FAM81A: variants seen among roughly 807,000 people sequenced by gnomAD.
FAM81A encodes family with sequence similarity 81 member A.
Under a neutral mutation model 46.7 loss-of-function variants are expected in FAM81A, and 19 were observed. The ratio of observed to expected loss-of-function variants is 0.41; its 90% CI spans 0.28 to 0.60. The LOEUF is 0.60. Ranked by LOEUF, FAM81A falls within the 20% of genes least tolerant of loss-of-function variation. The pLI, the probability that FAM81A is intolerant of heterozygous loss-of-function variation, is 0.34. For synonymous variants in FAM81A, 183 were observed against 152.9 expected (o/e 1.20, Z -1.45); for missense variants, 377 against 453.5 (o/e 0.83, Z 1.53).
upstream of FAM81A, among the ~76,000 whole-genome samples, chr15:59,433,466 A>G (rs1467856902): frequency 6.6e-6 from 1 of 152,198 alleles, no homozygotes; most frequent in East Asian, 1.9e-4. Flanking sequence ...TGCTGGTTGT[A>G]CTTTAGGCAT....
intron 2 of FAM81A, among the ~76,000 whole-genome samples, chr15:59,403,571 A>G (rs1231858290): frequency 1.3e-5 from 2 of 152,184 alleles, no homozygotes; most frequent in African/African-American, 2.4e-5. Flanking sequence ...CTGTTATGGC[A>G]GCCGAAGCAG....
chr15:59,408,247 T>G, intron 2 of FAM81A: 1 of 152,290 alleles, frequency 6.6e-6, no homozygotes. Context: ...ACCAGGCTGA[T>G]AGCAGAAAAT....
intron 3 of FAM81A, among the ~76,000 whole-genome samples, chr15:59,469,196 G>A: frequency 6.6e-6 from 1 of 152,172 alleles, no homozygotes; most frequent in East Asian, 1.9e-4. Flanking sequence ...GTTGATTTGG[G>A]GTGGAGAGTT....
At chr15:59,475,304 G>A (rs1262972371) in intron 3 of FAM81A, among the ~76,000 whole-genome samples, 1 of 151,826 alleles carries the variant, frequency 6.6e-6, no homozygotes, top group African/African-American at 2.4e-5. Flanking sequence ...CACCACACCC[G>A]GCTGATTTTT....
chr15:59,489,122 G>A (rs1003061686), intron 3 of FAM81A, among the ~76,000 whole-genome samples: 41 of 152,058 alleles, frequency 2.7e-4, no homozygotes, highest in Middle Eastern at 3.4e-3. Context: ...AAAATTAGCC[G>A]GGCATAGTGG....
At chr15:59,477,000 A>T (rs1163703516) in intron 3 of FAM81A, among the ~76,000 whole-genome samples, 1 of 151,372 alleles carries the variant, frequency 6.6e-6, no homozygotes, top group African/African-American at 2.4e-5. Flanking sequence ...GGTGCCTGTA[A>T]CCCCAGCTAC....
chr15:59,444,397 T>C (rs1480622827), intron 1 of FAM81A: 1 of 152,188 alleles, frequency 6.6e-6, no homozygotes, highest in Non-Finnish European at 1.5e-5. Context: ...GAAAAAATGA[T>C]TCTTCCCTGA....
At chr15:59,471,270 G>A (rs996349639) in intron 3 of FAM81A, among the ~76,000 whole-genome samples, 34 of 152,054 alleles carry the variant, frequency 2.2e-4, no homozygotes, top group African/African-American at 7.7e-4. Context: ...AGTTTTGTCA[G>A]TTTTTGCTTC....
chr15:59,477,999 G>A (rs1415528226), intron 3 of FAM81A, among the ~76,000 whole-genome samples: 1 of 152,138 alleles, frequency 6.6e-6, no homozygotes, highest in Non-Finnish European at 1.5e-5. Flanking sequence ...ATACATGTCT[G>A]GGTTATCCAT....
At chr15:59,482,014 A>G (rs542031244) in intron 3 of FAM81A, among the ~76,000 whole-genome samples, 1 of 152,252 alleles carries the variant, frequency 6.6e-6, no homozygotes, top group East Asian at 1.9e-4. Context: ...AATTGAGCAG[A>G]AAGTATACTC....
At chr15:59,449,737 G>A (rs1253054440) in intron 1 of FAM81A, among the ~76,000 whole-genome samples, 17 of 119,560 alleles carry the variant, frequency 1.4e-4, no homozygotes, top group Admixed American at 3.6e-4. Context: ...AGCCGAGATC[G>A]CGCCACTGCA....
intron 7 of FAM81A, among the ~76,000 whole-genome samples, chr15:59,515,444 T>G (rs967540954): frequency 6.6e-6 from 1 of 152,026 alleles, no homozygotes; most frequent in African/African-American, 2.4e-5. Flanking sequence ...CTGACTCTGC[T>G]CTCTCCAGAT....
intron 2 of FAM81A, among the ~76,000 whole-genome samples, chr15:59,403,910 G>T (rs1410652536): frequency 7.0e-5 from 10 of 142,964 alleles, no homozygotes; most frequent in Non-Finnish European, 1.3e-4. Flanking sequence ...TTGAGACAGA[G>T]TCTCACTCTG....
At chr15:59,446,735 C>T (rs910562040) in intron 1 of FAM81A, 3 of 152,190 alleles carry the variant, frequency 2.0e-5, no homozygotes, top group Non-Finnish European at 4.4e-5. Flanking sequence ...TGGCATCACT[C>T]CAGAATCACT....
intron 4 of FAM81A, among the ~76,000 whole-genome samples, chr15:59,498,775 C>T (rs1396377130): frequency 1.3e-5 from 2 of 152,208 alleles, no homozygotes; most frequent in Admixed American, 1.3e-4. Context: ...CTGCCTCAGC[C>T]TCCCGAGTAG....
At chr15:59,409,298 G>A (rs1374541049) in intron 2 of FAM81A, among the ~76,000 whole-genome samples, 4 of 152,068 alleles carry the variant, frequency 2.6e-5, no homozygotes, top group Non-Finnish European at 5.9e-5. Context: ...GCCTTTCTCC[G>A]GGACAGTCAG....
At chr15:59,472,916 A>G (rs754376877) in intron 3 of FAM81A, among the ~76,000 whole-genome samples, 1 of 152,190 alleles carries the variant, frequency 6.6e-6, no homozygotes. Context: ...TGATCTTTTC[A>G]GTTTTATTTT....
At chr15:59,452,714 G>A (rs966908764) in intron 1 of FAM81A, among the ~76,000 whole-genome samples, 2 of 152,158 alleles carry the variant, frequency 1.3e-5, no homozygotes, top group Non-Finnish European at 2.9e-5. Context: ...TCATGATGTA[G>A]TGTCAATTCG....
chr15:59,434,156 G>A (rs190933800), upstream of FAM81A, among the ~76,000 whole-genome samples: 3 of 152,226 alleles, frequency 2.0e-5, no homozygotes, highest in East Asian at 3.9e-4. Flanking sequence ...TAACTGGCCC[G>A]ATGAAACATT....
Sources: gnomAD v4.1 joint callset for allele counts (sites outside exome capture counted in the v4.1 genomes callset) on GRCh38, gnomAD v4.1.1 for gene constraint, MANE v1.5 for transcripts, NCBI Gene and HGNC (gene_info 2026-07-23, HGNC 2026-07-21) for gene names.